GNA12: variants seen among roughly 807,000 people sequenced by gnomAD.
The protein encoded by GNA12 is G protein subunit alpha 12.
In GNA12, 9 loss-of-function variants were observed where a neutral mutation model predicts 26.0. The observed-to-expected ratio is 0.35, with a 90% CI of 0.21 to 0.60. The LOEUF is 0.60. Ranked by LOEUF, GNA12 falls within the 20% of genes least tolerant of loss-of-function variation. The probability of loss-of-function intolerance (pLI) is 0.78; values close to 1 mark genes in which losing one functional copy is unlikely to be tolerated. For missense variants in GNA12, 405 were observed against 525.8 expected, an observed-to-expected ratio of 0.77 and a Z score of 2.25; for synonymous variants, 264 against 219.6, an observed-to-expected ratio of 1.20 and a Z score of -1.79.
intron 1 of GNA12, among the ~76,000 whole-genome samples, chr7:2,837,603 T>G (rs1169885736): frequency 6.6e-6 from 1 of 152,194 alleles, no homozygotes; most frequent in Non-Finnish European, 1.5e-5. Flanking sequence ...GAGCAATGCA[T>G]GAACTCGGAG....
rs189863462 is a variant in GNA12 at position 2,768,006 on chromosome 7, C to T, written c.525+26922G>A. 1.1e-3 allele frequency among the ~76,000 whole-genome samples: 166 copies of T among 152,316 alleles called. 5 individuals are homozygous for T. Among genetic ancestry groups the T allele is most frequent in the Admixed American group, 5.9e-4 (9 of 15,296 alleles). ...TGTAGCTGGGACTACGGGCACATGCCACCATGCCTGGCTAATTTTTTTATT... is the reference window on the plus strand; with the variant it reads ...TGTAGCTGGGACTACGGGCACATGCTACCATGCCTGGCTAATTTTTTTATT... On this transcript the variant is annotated intron_variant, in intron 2 of 3. Coordinates refer to ENST00000275364, the MANE Select transcript of GNA12 (RefSeq NM_007353.3).
chr7:2,795,509 G>T (rs1183465156), intron 1 of GNA12, among the ~76,000 whole-genome samples: 1 of 151,896 alleles, frequency 6.6e-6, no homozygotes, highest in Non-Finnish European at 1.5e-5. Flanking sequence ...CTTGGTGGTG[G>T]CACACCTGTA....
chr7:2,839,900 G>T (rs952960567), intron 1 of GNA12, among the ~76,000 whole-genome samples: 2 of 152,144 alleles, frequency 1.3e-5, no homozygotes, highest in Non-Finnish European at 2.9e-5. Context: ...CTGGGAGGCT[G>T]GGACAGGAGA....
At chr7:2,745,402 T>G (rs1424069076) in intron 2 of GNA12, among the ~76,000 whole-genome samples, 4 of 152,248 alleles carry the variant, frequency 2.6e-5, no homozygotes, top group African/African-American at 4.8e-5. Flanking sequence ...ACCCAGAATT[T>G]CATATCCAGC....
rs777971344 is a variant in GNA12, at chr7:2,731,341, C to T, written c.986G>A (p.Arg329His). 1.7e-5 allele frequency: 28 copies of T among 1,613,758 alleles called. No homozygotes were observed. In the East Asian group the frequency reaches 2.5e-4, roughly 14 times the overall value. The change falls in exon 4 of 4, where the codon CGC (arginine) becomes CAC (histidine). Residue 329 changes from arginine (R) to histidine (H), a missense_variant. Coordinates refer to ENST00000275364, the MANE Select transcript of GNA12 (RefSeq NM_007353.3). This position sits in a 1 kb window ranked among gnomAD's most constrained non-coding sequence, Gnocchi z 6.0. ...GDPHRLEDVQ[R>H]YLVQCFDRKR... ...CCTGTCGAAGCACTGGACCAGGTAG[C>T]GCTGGACGTCCTCCAGCCTGTGCGG...
Position 2,844,163 on chromosome 7 carries a change from G to T in GNA12, c.-2C>A. On this transcript the variant is annotated 5_prime_UTR_variant, in exon 1 of 4. Coordinates refer to ENST00000275364, the MANE Select transcript of GNA12 (RefSeq NM_007353.3). Reference sequence around the variant, plus strand: ...GAGGGTCCGCACCACCCCGGACATGGCCCCTCAGGCCGCGGCCGCGCCCCG... The same window carrying T: ...GAGGGTCCGCACCACCCCGGACATGTCCCCTCAGGCCGCGGCCGCGCCCCG... 1 of 983,126 alleles carries T rather than the reference G, an allele frequency of 1.0e-6. No individual in the cohort carries two copies. The highest frequency in any genetic ancestry group is 5.2e-4 in the Middle Eastern group (1 of 1,924). 60.9% of individuals were successfully genotyped at this position (983,126 alleles called of 1,614,324 possible).
intron 2 of GNA12, among the ~76,000 whole-genome samples, chr7:2,761,374 C>T (rs1791547001): frequency 1.3e-5 from 2 of 152,242 alleles, no homozygotes; most frequent in South Asian, 4.1e-4. Context: ...GCTGTGATTT[C>T]CCTGAAACCA....
chr7:2,795,051 G>C lies in GNA12; in HGVS notation c.402C>G (p.Phe134Leu), dbSNP rs746845598. Reference sequence around the variant, plus strand: ...CCACAGGCAGCCCCGCCTTGTTCTCGAAGGCCATCAGGAACATCCCATGCT... The same window carrying C: ...CCACAGGCAGCCCCGCCTTGTTCTCCAAGGCCATCAGGAACATCCCATGCT... ...NEKHGMFLMAFENKAGLPVEP... is the reference protein window; with the variant it reads ...NEKHGMFLMALENKAGLPVEP... The change falls in exon 2 of 4, where the codon TTC (phenylalanine) becomes TTG (leucine). Residue 134 changes from phenylalanine (F) to leucine (L), a missense_variant. Coordinates refer to ENST00000275364, the MANE Select transcript of GNA12 (RefSeq NM_007353.3). 188 of 1,613,766 alleles carry C rather than the reference G, an allele frequency of 1.2e-4. No homozygotes were observed. Among genetic ancestry groups the C allele is most frequent in the Non-Finnish European group, 6.8e-5 (80 of 1,179,764 alleles).
At chr7:2,750,689 G>A (rs1790989623) in intron 2 of GNA12, among the ~76,000 whole-genome samples, 1 of 152,202 alleles carries the variant, frequency 6.6e-6, no homozygotes, top group Admixed American at 6.5e-5. Flanking sequence ...GTGAAGCCAC[G>A]GACACGGGGG....
chr7:2,791,508 G>A (rs748962327), intron 2 of GNA12, among the ~76,000 whole-genome samples: 1 of 152,120 alleles, frequency 6.6e-6, no homozygotes, highest in South Asian at 2.1e-4. Context: ...TTCTATCTCT[G>A]ACTGGAATGG....
chr7:2,764,721 G>C (rs1318451316), intron 2 of GNA12: 1 of 152,202 alleles, frequency 6.6e-6, no homozygotes, highest in Non-Finnish European at 1.5e-5. Flanking sequence ...GGTGAGCTGG[G>C]TGAACCCAGT....
rs922499262 is a variant in GNA12, at chr7:2,731,963, C to G, written c.577-213G>C. Among the ~76,000 whole-genome samples, 1 of 152,222 alleles carries G rather than the reference C, an allele frequency of 6.6e-6. No individual in the cohort carries two copies. The highest frequency in any genetic ancestry group is 2.4e-5 in the African/African-American group (1 of 41,462). On this transcript the variant is annotated intron_variant, in intron 3 of 3. Coordinates refer to ENST00000275364, the MANE Select transcript of GNA12 (RefSeq NM_007353.3). The surrounding 1 kb of genome is among the most constrained non-coding windows in gnomAD (Gnocchi z 6.0). ...TCATTTCAAAACGAACGGAGGCTCA[C>G]CAGTCTGAGGACGAATGCTCAGAAC...
At chr7:2,737,699 A>C (rs934754646) in intron 2 of GNA12, among the ~76,000 whole-genome samples, 4 of 152,194 alleles carry the variant, frequency 2.6e-5, no homozygotes, top group African/African-American at 9.7e-5. Context: ...AGGATTCCAA[A>C]ATCTAGTTCA....
At chr7:2,756,768 C>T (rs1000060664) in intron 2 of GNA12, among the ~76,000 whole-genome samples, 1 of 152,126 alleles carries the variant, frequency 6.6e-6, no homozygotes, top group Non-Finnish European at 1.5e-5. Flanking sequence ...TGGAACATCA[C>T]TTTTGTGATT....
intron 2 of GNA12, among the ~76,000 whole-genome samples, chr7:2,765,593 G>A (rs1183690972): frequency 1.3e-5 from 2 of 151,872 alleles, no homozygotes; most frequent in African/African-American, 2.4e-5. Context: ...AGACGAGGTA[G>A]GGAGTTCTGT....
intron 1 of GNA12, 81 bp from the exon 2 acceptor site, chr7:2,795,224 C>T (rs990109432): frequency 2.9e-6 from 3 of 1,028,656 alleles, no homozygotes; most frequent in Admixed American, 1.8e-5. Context: ...AATGGGCATC[C>T]ATTGTCATAA....
intron 2 of GNA12, among the ~76,000 whole-genome samples, chr7:2,739,550 C>A (rs1053834971): frequency 6.6e-6 from 1 of 152,152 alleles, no homozygotes; most frequent in Non-Finnish European, 1.5e-5. Flanking sequence ...AGTTGATGAA[C>A]ACTTTGTTTC....
intron 1 of GNA12, among the ~76,000 whole-genome samples, chr7:2,801,039 G>C (rs187726065): frequency 2.0e-5 from 3 of 152,084 alleles, no homozygotes; most frequent in African/African-American, 7.2e-5. Context: ...GCGAGGTCTC[G>C]GGCAAAGGGT....
intron 2 of GNA12, among the ~76,000 whole-genome samples, chr7:2,739,555 T>C (rs955489749): frequency 2.6e-5 from 4 of 152,246 alleles, no homozygotes; most frequent in East Asian, 1.9e-4. Context: ...ATGAACACTT[T>C]GTTTCCAGTT....
Sources: allele counts gnomAD v4.1 joint callset (sites outside exome capture counted in the v4.1 genomes callset), GRCh38; gene constraint gnomAD v4.1.1; non-coding constraint Gnocchi (gnomAD v3.1); transcripts MANE v1.5; gene names NCBI Gene and HGNC (gene_info 2026-07-23, HGNC 2026-07-21).